Variants in ARHGAP28 observed in about 807,000 individuals in gnomAD.
ARHGAP28 encodes the protein Rho GTPase activating protein 28, also known as rho GTPase-activating protein 28.
ARHGAP28 carries 56 observed loss-of-function variants against 90.7 expected under a neutral mutation model. The ratio of observed to expected loss-of-function variants is 0.62; its 90% CI spans 0.50 to 0.77. ARHGAP28 has a LOEUF of 0.77. Among genes scored for constraint, ARHGAP28 ranks in the 30% least tolerant of loss-of-function variants. The pLI is 0.00. For missense variants in ARHGAP28, 869 were observed against 900.9 expected, an observed-to-expected ratio of 0.96 and a Z score of 0.45; for synonymous variants, 308 against 323.3, an observed-to-expected ratio of 0.95 and a Z score of 0.51.
intron 16 of ARHGAP28, chr18:6,898,803 A>G (rs895055116): frequency 1.7e-6 from 2 of 1,167,028 alleles, no homozygotes. Flanking sequence ...CAAACATCAT[A>G]TGTTCTCACT....
At chr18:6,780,769 G>A (rs993639850) in intron 1 of ARHGAP28, among the ~76,000 whole-genome samples, 3 of 151,972 alleles carry the variant, frequency 2.0e-5, no homozygotes, top group African/African-American at 4.8e-5. Flanking sequence ...GCAGGCGCCT[G>A]TAATGCCAGC....
chr18:6,884,380 GA>G (rs1033762532), intron 11 of ARHGAP28, among the ~76,000 whole-genome samples: 10 of 151,614 alleles, frequency 6.6e-5, no homozygotes, highest in African/African-American at 9.7e-5. Flanking sequence ...TCTCAAAAAA[GA>G]AAAAAAAGTC....
intron 3 of ARHGAP28, among the ~76,000 whole-genome samples, chr18:6,846,763 T>G (rs1399644407): frequency 1.3e-5 from 2 of 152,188 alleles, no homozygotes; most frequent in Non-Finnish European, 2.9e-5. Context: ...GTGAGCCTTA[T>G]GTCCCACCTG....
chr18:6,908,551 T>G (rs1359589225), intron 16 of ARHGAP28, among the ~76,000 whole-genome samples: 2 of 152,230 alleles, frequency 1.3e-5, no homozygotes, highest in Non-Finnish European at 2.9e-5. Context: ...CCATTCAATT[T>G]TTTGGCAAAT....
At chr18:6,770,691 A>G (rs1288700813) in intron 1 of ARHGAP28, among the ~76,000 whole-genome samples, 4 of 152,104 alleles carry the variant, frequency 2.6e-5, no homozygotes, top group Non-Finnish European at 5.9e-5. Flanking sequence ...TAAAAAATCG[A>G]TATCAGACTT....
At chr18:6,769,243 G>A (rs1272360328) in intron 1 of ARHGAP28, among the ~76,000 whole-genome samples, 1 of 151,876 alleles carries the variant, frequency 6.6e-6, no homozygotes, top group African/African-American at 2.4e-5. Context: ...AGATTGAGGG[G>A]TTGCTGTGGC....
intron 1 of ARHGAP28, among the ~76,000 whole-genome samples, chr18:6,805,140 G>T (rs1038204416): frequency 6.6e-6 from 1 of 151,980 alleles, no homozygotes; most frequent in Non-Finnish European, 1.5e-5. Context: ...AGCTGAAAGA[G>T]GGGTTTTGAA....
At chr18:6,809,218 C>G (rs1310352625) in intron 1 of ARHGAP28, among the ~76,000 whole-genome samples, 5 of 152,158 alleles carry the variant, frequency 3.3e-5, no homozygotes, top group Non-Finnish European at 7.4e-5. Flanking sequence ...GTTGCCTCCT[C>G]TATTTGTCCA....
intron 1 of ARHGAP28, among the ~76,000 whole-genome samples, chr18:6,802,545 C>G (rs2143635000): frequency 6.6e-6 from 1 of 151,876 alleles, no homozygotes; most frequent in South Asian, 2.1e-4. Context: ...GGGGTTTCAC[C>G]ACATTGGCCA....
chr18:6,841,180 C>CCTCTCTCTCTCTCT (rs143797436), intron 3 of ARHGAP28, among the ~76,000 whole-genome samples: 14 of 57,060 alleles, frequency 2.5e-4, no homozygotes, highest in Non-Finnish European at 3.5e-4. Context: ...CTCTCTCTCT[C>CCTCTCTCTCTCTCT]CTCTCTCTCT....
chr18:6,888,818 C>G (rs1176699254), intron 12 of ARHGAP28, among the ~76,000 whole-genome samples: 2 of 152,116 alleles, frequency 1.3e-5, no homozygotes, highest in African/African-American at 2.4e-5. Context: ...CTCTCTCTCT[C>G]TGTCTCTCTA....
At chr18:6,852,956 G>A (rs1247298377) in intron 4 of ARHGAP28, among the ~76,000 whole-genome samples, 3 of 152,166 alleles carry the variant, frequency 2.0e-5, no homozygotes, top group African/African-American at 4.8e-5. Flanking sequence ...TTGCAATAAG[G>A]TGATGCCAGG....
chr18:6,870,931 G>A (rs1210157510), intron 7 of ARHGAP28, among the ~76,000 whole-genome samples, 199 bp downstream of exon 7: 1 of 152,084 alleles, frequency 6.6e-6, no homozygotes, highest in Non-Finnish European at 1.5e-5. Context: ...CTCCCGAGTA[G>A]CTGGGACTAC....
At chr18:6,771,613 A>G (rs972437007) in intron 1 of ARHGAP28, among the ~76,000 whole-genome samples, 1 of 152,234 alleles carries the variant, frequency 6.6e-6, no homozygotes, top group Admixed American at 6.5e-5. Context: ...TTCGTTACAC[A>G]TAATTAATGA....
chr18:6,884,799 T>C (rs1033819614), intron 11 of ARHGAP28, among the ~76,000 whole-genome samples: 5 of 152,318 alleles, frequency 3.3e-5, no homozygotes, highest in Middle Eastern at 3.4e-3. Context: ...TTTTTGGTAG[T>C]TTGAATTATG....
rs541606129 is a variant in ARHGAP28 at position 6,863,471 on chromosome 18, G to A, written c.726+3574G>A. Among the ~76,000 whole-genome samples the A allele has an allele frequency of 5.9e-5, 9 of 151,280 alleles. No individual in the cohort carries two copies. The South Asian group carries it at 1.5e-3, about 25-fold the overall frequency. On this transcript the variant is annotated intron_variant, in intron 5 of 17. Transcript: ENST00000383472. ...GGATGAACCCAATTTATTGTGTTAT[G>A]TTATTCTTTTATTAAACTGTAGAAT...
chr18:6,912,113 C>A lies in ARHGAP28; in HGVS notation c.2149C>A (p.Pro717Thr), dbSNP rs769233834. Residue 717 changes from proline to threonine, a missense_variant, in exon 18 of 18, where the codon CCT (proline) becomes ACT (threonine). Physicochemically the swap from Pro to Thr is conservative, Grantham distance 38 (BLOSUM62 -1). Coordinates refer to ENST00000383472, the MANE Select transcript of ARHGAP28 (RefSeq NM_001366230.1). ...TATATTGGATGTATATCGTATAAAT[C>A]CTCAAGCAGAATGGGTGATTAAACC... The part of the protein sequence containing the change: ...AYILDVYRIN[P>T]QAEWVIKPQQ... 1 of 1,608,814 alleles carries A rather than the reference C, an allele frequency of 6.2e-7. No homozygotes were observed. The highest frequency in any genetic ancestry group is 8.5e-7 in the Non-Finnish European group (1 of 1,176,474).
chr18:6,900,593 G>T (rs1179094373), intron 16 of ARHGAP28, among the ~76,000 whole-genome samples: 1 of 151,912 alleles, frequency 6.6e-6, no homozygotes, highest in African/African-American at 2.4e-5. Context: ...TTGAGGACAT[G>T]TCAATAGAGT....
chr18:6,869,888 A>G (rs2057069813), intron 6 of ARHGAP28, among the ~76,000 whole-genome samples: 1 of 152,228 alleles, frequency 6.6e-6, no homozygotes, highest in Non-Finnish European at 1.5e-5. Context: ...AGGATCGCTC[A>G]AATGATTTAT....
Sources: allele counts gnomAD v4.1 joint callset (sites outside exome capture counted in the v4.1 genomes callset), GRCh38; gene constraint gnomAD v4.1.1; transcripts MANE v1.5; gene names NCBI Gene and HGNC (gene_info 2026-07-23, HGNC 2026-07-21).